The following SGTA variants were observed in gnomAD, a reference collection of about 807,000 sequenced individuals.
SGTA encodes small glutamine-rich tetratricopeptide repeat-containing protein alpha.
SGTA carries 22 observed loss-of-function variants against 44.3 expected under a neutral mutation model. The observed-to-expected ratio is 0.50, with a 90% CI of 0.36 to 0.71. The LOEUF (loss-of-function observed/expected upper bound fraction) is 0.71, where lower values mean the gene tolerates loss of function less well. Ranked by LOEUF, SGTA falls within the 30% of genes least tolerant of loss-of-function variation. The probability of loss-of-function intolerance (pLI) is 0.00; values close to 1 mark genes in which losing one functional copy is unlikely to be tolerated. For synonymous variants in SGTA, 174 were observed against 177.6 expected (o/e 0.98, Z 0.16); for missense variants, 341 against 435.9 (o/e 0.78, Z 1.94).
At chr19:2,778,443 G>A (rs999067939) in intron 1 of SGTA, among the ~76,000 whole-genome samples, 7 of 152,048 alleles carry the variant, frequency 4.6e-5, no homozygotes, top group Admixed American at 3.9e-4. Flanking sequence ...CAGTGCCGCC[G>A]GTGCCTCTGT....
Position 2,757,703 on chromosome 19 carries a change from G to T in SGTA, c.817C>A (p.Leu273Ile), listed in dbSNP as rs761983170. The stretch of plus-strand genomic sequence containing the variant: ...AGCAGTTCCACTCACGCCTGGATGA[G>T]GCTGGCCAGGTCGTTCTGCGAGGGG... ...TSPSQNDLAS[L>I]IQAGQQFAQQ... The change falls in exon 10 of 12, where the codon CTC becomes ATC. Residue 273 changes from leucine (L) to isoleucine (I), a missense_variant. Coordinates refer to ENST00000221566, the MANE Select transcript of SGTA (RefSeq NM_003021.4). 2 of 1,587,082 alleles carry T rather than the reference G, an allele frequency of 1.3e-6. No homozygotes were observed. The highest frequency in any genetic ancestry group is 2.3e-5 in the South Asian group (2 of 86,178).
At position 2,757,696 on chromosome 19, in the gene SGTA, T is replaced by G; in HGVS notation, c.824A>C (p.Gln275Pro). 2 of 1,577,534 alleles carry G rather than the reference T, an allele frequency of 1.3e-6. No homozygotes were observed. Among genetic ancestry groups the G allele is most frequent in the Non-Finnish European group, 1.7e-6 (2 of 1,163,578 alleles). The change falls in exon 10 of 12, where the codon CAG (glutamine) becomes CCG (proline). Residue 275 changes from glutamine to proline, a missense_variant. Coordinates refer to ENST00000221566, the MANE Select transcript of SGTA (RefSeq NM_003021.4). ...TCTTGGAAGCAGTTCCACTCACGCC[T>G]GGATGAGGCTGGCCAGGTCGTTCTG... ...PSQNDLASLI[Q>P]AGQQFAQQMQ...
At position 2,761,476 on chromosome 19, in the gene SGTA, G is replaced by A. The variant is rs1266871749; in HGVS notation, c.683C>T (p.Pro228Leu). Residue 228 changes from proline to leucine, a missense_variant, in exon 8 of 12, where the codon CCT becomes CTT. By Grantham distance (98) the Pro-to-Leu change is moderately conservative. Coordinates refer to ENST00000221566, the MANE Select transcript of SGTA (RefSeq NM_003021.4). The surrounding 1 kb of genome is among the most constrained non-coding windows in gnomAD (Gnocchi z 5.7). Reference sequence around the variant, plus strand: ...GGCCGTTACCATGCTCATGAAGCCAGGGTTGTTCAGCAGGCCGGCGATGTC... The same window carrying A: ...GGCCGTTACCATGCTCATGAAGCCAAGGTTGTTCAGCAGGCCGGCGATGTC... ...SFDIAGLLNN[P>L]GFMSMASNLM... is the part of the protein sequence containing the mutation. 1 of 1,551,562 alleles carries A rather than the reference G, an allele frequency of 6.4e-7. No individual in the cohort carries two copies. Among genetic ancestry groups the A allele is most frequent in the African/African-American group, 1.4e-5 (1 of 73,022 alleles).
chr19:2,781,269 C>T (rs1390943713), intron 1 of SGTA, among the ~76,000 whole-genome samples: 1 of 152,204 alleles, frequency 6.6e-6, no homozygotes, highest in Non-Finnish European at 1.5e-5. Context: ...AATTATAAAC[C>T]TCAGCTCAAA....
intron 1 of SGTA, among the ~76,000 whole-genome samples, chr19:2,770,952 C>T (rs1415785743): frequency 2.6e-5 from 4 of 152,228 alleles, no homozygotes; most frequent in South Asian, 2.1e-4. Flanking sequence ...AGGGAGAGGC[C>T]AGGCGGTTCC....
chr19:2,762,226 C>T (rs368681561), intron 7 of SGTA, among the ~76,000 whole-genome samples: 2 of 152,184 alleles, frequency 1.3e-5, no homozygotes, highest in East Asian at 1.9e-4. Flanking sequence ...CCTCCTCACC[C>T]GGCCTCGCCA....
chr19:2,771,659 G>A (rs554339362), intron 1 of SGTA, among the ~76,000 whole-genome samples: 4 of 151,940 alleles, frequency 2.6e-5, no homozygotes, highest in South Asian at 2.1e-4. Flanking sequence ...GACGGGTGCT[G>A]GTGCACCCTC....
Position 2,774,777 on chromosome 19 carries a change from C to T in SGTA, c.-23-5686G>A, listed in dbSNP as rs544782150. ...GATCACAGGTGTGAGCCACCATACC[C>T]GGCCTCCTCCAGGAGGCAAATGCTG... On this transcript the variant is annotated intron_variant, in intron 1 of 11. Coordinates refer to ENST00000221566, the MANE Select transcript of SGTA (RefSeq NM_003021.4). Among the ~76,000 whole-genome samples the T allele has an allele frequency of 7.2e-5, 11 of 152,290 alleles. No homozygotes were observed. The East Asian group carries it at 1.7e-3, about 24-fold the overall frequency.
At chr19:2,756,938 G>C (rs771367827) in intron 11 of SGTA, among the ~76,000 whole-genome samples, 1 of 152,150 alleles carries the variant, frequency 6.6e-6, no homozygotes, top group Non-Finnish European at 1.5e-5. Flanking sequence ...TCCACCACTC[G>C]ATGACCTCGC....
chr19:2,781,084 A>G (rs1915564105), intron 1 of SGTA, among the ~76,000 whole-genome samples: 2 of 152,146 alleles, frequency 1.3e-5, no homozygotes, highest in African/African-American at 4.8e-5. Flanking sequence ...CCCTATCTCA[A>G]ACCACCCCTT....
rs1434747673 is a variant in SGTA at position 2,765,993 on chromosome 19, C to T, written c.293-708G>A. On this transcript the variant is annotated intron_variant, in intron 4 of 11. Coordinates refer to ENST00000221566, the MANE Select transcript of SGTA (RefSeq NM_003021.4). The surrounding 1 kb of genome is among the most constrained non-coding windows in gnomAD (Gnocchi z 5.5). ...CAGCACTTTGGGAGGCCGACGCAGG[C>T]GGATCGCAAGATCAGGAGACCAAGA... Among the ~76,000 whole-genome samples the T allele has an allele frequency of 2.6e-5, 4 of 152,130 alleles. No individual in the cohort carries two copies. Among genetic ancestry groups the T allele is most frequent in the Non-Finnish European group, 4.4e-5 (3 of 68,022 alleles).
intron 1 of SGTA, among the ~76,000 whole-genome samples, chr19:2,780,311 G>A (rs1235928132): frequency 1.3e-5 from 2 of 152,128 alleles, no homozygotes; most frequent in Non-Finnish European, 2.9e-5. Flanking sequence ...CAGGAGAGCC[G>A]GGTGCCCTGC....
chr19:2,757,503 C>T (rs1254840329), intron 10 of SGTA, 46 bp from the exon 11 acceptor site: 2 of 1,591,854 alleles, frequency 1.3e-6, no homozygotes, highest in African/African-American at 1.3e-5. Flanking sequence ...AGGAGGCTGC[C>T]TGCTGCCTCC....
intron 1 of SGTA, among the ~76,000 whole-genome samples, chr19:2,776,088 C>G (rs904050643): frequency 6.6e-6 from 1 of 152,184 alleles, no homozygotes; most frequent in Non-Finnish European, 1.5e-5. Flanking sequence ...CAGTCAACCA[C>G]CACCAGAAAG....
intron 8 of SGTA, among the ~76,000 whole-genome samples, chr19:2,760,855 T>G (rs1455702958): frequency 1.3e-5 from 2 of 152,194 alleles, no homozygotes; most frequent in Admixed American, 6.5e-5. Context: ...GGCGAGTCCC[T>G]GTACCCTGAG....
rs772638718 is a variant in SGTA, at chr19:2,767,230, G to C, written c.208-10C>G. On this transcript the variant is annotated splice_polypyrimidine_tract_variant and intron_variant, in intron 3 of 11. Transcript: ENST00000221566. The surrounding 1 kb of genome is among the most constrained non-coding windows in gnomAD (Gnocchi z 7.3). ...GGTCCTGCGGCATCTCCTGGACCCG[G>C]AGGCAAAGGCGGCCCGCTGTCCTCT... is the stretch of plus-strand genomic sequence containing the variant. 34 of 1,602,932 alleles carry C rather than the reference G, an allele frequency of 2.1e-5. No homozygotes were observed. Among genetic ancestry groups the C allele is most frequent in the Non-Finnish European group, 2.7e-5 (32 of 1,175,042 alleles).
chr19:2,756,627 C>T (rs1055764328), intron 11 of SGTA, among the ~76,000 whole-genome samples: 17 of 152,002 alleles, frequency 1.1e-4, no homozygotes, highest in African/African-American at 1.9e-4. Flanking sequence ...TGGGGAGGCC[C>T]GGAGCCTCCC....
intron 1 of SGTA, among the ~76,000 whole-genome samples, chr19:2,780,389 AC>A (rs1915545559): frequency 6.6e-6 from 1 of 152,118 alleles, no homozygotes; most frequent in Non-Finnish European, 1.5e-5. Context: ...ATCGAAGCCT[AC>A]TTCCTTCTAA....
At chr19:2,766,440 A>T (rs553505824) in intron 4 of SGTA, among the ~76,000 whole-genome samples, 215 of 149,714 alleles carry the variant, frequency 1.4e-3, no homozygotes, top group African/African-American at 5.0e-3. Flanking sequence ...TTTATTTTTT[A>T]TTTTTTTTTG....
Sources: allele counts gnomAD v4.1 joint callset (sites outside exome capture counted in the v4.1 genomes callset), GRCh38; gene constraint gnomAD v4.1.1; non-coding constraint Gnocchi (gnomAD v3.1); transcripts MANE v1.5; gene names NCBI Gene and HGNC (gene_info 2026-07-23, HGNC 2026-07-21).